MFSD6: variants seen among roughly 807,000 people sequenced by gnomAD.
MFSD6 encodes major facilitator superfamily domain containing 6.
In MFSD6, 26 loss-of-function variants were observed where a neutral mutation model predicts 56.3. The ratio of observed to expected loss-of-function variants is 0.46; its 90% CI spans 0.34 to 0.64. MFSD6 has a LOEUF of 0.64. Among genes scored for constraint, MFSD6 ranks in the 30% least tolerant of loss-of-function variants. MFSD6 has a pLI of 0.01. For synonymous variants in MFSD6, 331 were observed against 366.9 expected (o/e 0.90, Z 1.12); for missense variants, 750 against 986.2 (o/e 0.76, Z 3.21).
chr2:190,421,392 T>A (rs1293930316), intron 2 of MFSD6, among the ~76,000 whole-genome samples: 7 of 152,228 alleles, frequency 4.6e-5, no homozygotes, highest in Admixed American at 4.6e-4. Flanking sequence ...TAATGTCGTT[T>A]GTAAAGACAA....
Position 190,487,625 on chromosome 2 carries a change from G to C in MFSD6, c.1631-1032G>C, listed in dbSNP as rs899407046. ...TAAACATTTCTTCAAAGAAGATATA[G>C]ATGGCCAATAAACACCTAAAAGGTG... is the stretch of plus-strand genomic sequence containing the variant. On this transcript the variant is annotated intron_variant, in intron 4 of 7. Transcript: ENST00000392328. This position sits in a 1 kb window ranked among gnomAD's most constrained non-coding sequence, Gnocchi z 5.5. 2.6e-5 allele frequency among the ~76,000 whole-genome samples: 4 copies of C among 152,300 alleles called. No homozygotes were observed. The highest frequency in any genetic ancestry group is 4.1e-4 in the South Asian group (2 of 4,826).
At position 190,425,070 on chromosome 2, in the gene MFSD6, A is replaced by AT. The variant is rs564214563; in HGVS notation, c.-54+9663dup. ...GTTTTCAGCATAAGGCCTTGTACAC[A>AT]TTTTTTAAATTTATACCCAAGTGTT... is the stretch of plus-strand genomic sequence containing the variant. On this transcript the variant is annotated intron_variant, in intron 2 of 7. Coordinates refer to ENST00000392328, the MANE Select transcript of MFSD6 (RefSeq NM_017694.4). The surrounding 1 kb of genome is among the most constrained non-coding windows in gnomAD (Gnocchi z 4.3). Among the ~76,000 whole-genome samples the AT allele has an allele frequency of 3.5e-3, 527 of 152,252 alleles. 4 individuals are homozygous for AT. Among genetic ancestry groups the AT allele is most frequent in the African/African-American group, 0.011 (477 of 41,560 alleles).
upstream of MFSD6, among the ~76,000 whole-genome samples, chr2:190,408,150 G>A (rs1461851838): frequency 6.6e-6 from 1 of 151,708 alleles, no homozygotes; most frequent in Non-Finnish European, 1.5e-5. Flanking sequence ...TGCACCTGGC[G>A]GCCGGTCCTC....
chr2:190,452,338 A>C (rs568445592), intron 3 of MFSD6, among the ~76,000 whole-genome samples: 1 of 152,208 alleles, frequency 6.6e-6, no homozygotes, highest in Admixed American at 6.5e-5. Flanking sequence ...ATAATATTTT[A>C]AAAATAGTAA....
In MFSD6 at chr2:190,471,313, C is replaced by G. The variant is rs1687911207; in HGVS notation, c.1630+1458C>G. Among the ~76,000 whole-genome samples, 1 of 152,184 alleles carries G rather than the reference C, an allele frequency of 6.6e-6. No homozygotes were observed. Among genetic ancestry groups the G allele is most frequent in the Admixed American group, 6.5e-5 (1 of 15,278 alleles). On this transcript the variant is annotated intron_variant, in intron 4 of 7. Transcript: ENST00000392328. This position sits in a 1 kb window ranked among gnomAD's most constrained non-coding sequence, Gnocchi z 4.7. ...GAGGCATCACCTCACCCAGGAAGCA[C>G]AAGGGGTCAGGGAATTCCCTTTCCT... is the stretch of plus-strand genomic sequence containing the variant.
At position 190,416,355 on chromosome 2, in the gene MFSD6, G is replaced by A. The variant is rs746636320; in HGVS notation, c.-54+942G>A. ...GCAAGTTGAAAGGAAATGTTAGAGA[G>A]GATTTCAGGTCCTTTCTTTCAGATT... is the stretch of plus-strand genomic sequence containing the variant. On this transcript the variant is annotated intron_variant, in intron 2 of 7. Transcript: ENST00000392328. This position sits in a 1 kb window ranked among gnomAD's most constrained non-coding sequence, Gnocchi z 4.1. Among the ~76,000 whole-genome samples, 15 of 152,094 alleles carry A rather than the reference G, an allele frequency of 9.9e-5. No homozygotes were observed. The highest frequency in any genetic ancestry group is 2.1e-4 in the Non-Finnish European group (14 of 68,018).
In MFSD6 at chr2:190,451,275, G is replaced by A. The variant is rs1286347886; in HGVS notation, c.1532+13714G>A. ...GCCTCAGGTTCCTCATTGGTAAAAC[G>A]GGGCAATAATTATACCTAACTTCAT... On this transcript the variant is annotated intron_variant, in intron 3 of 7. Coordinates refer to ENST00000392328, the MANE Select transcript of MFSD6 (RefSeq NM_017694.4). The surrounding 1 kb of genome is among the most constrained non-coding windows in gnomAD (Gnocchi z 5.0). 6.6e-6 allele frequency among the ~76,000 whole-genome samples: 1 copy of A among 152,092 alleles called. No homozygotes were observed. The highest frequency in any genetic ancestry group is 1.5e-5 in the Non-Finnish European group (1 of 68,012).
Position 190,461,648 on chromosome 2 carries a change from C to T in MFSD6, c.1533-8110C>T, listed in dbSNP as rs1454115660. Among the ~76,000 whole-genome samples, 5 of 152,136 alleles carry T rather than the reference C, an allele frequency of 3.3e-5. No homozygotes were observed. Among genetic ancestry groups the T allele is most frequent in the Non-Finnish European group, 7.4e-5 (5 of 68,020 alleles). On this transcript the variant is annotated intron_variant, in intron 3 of 7. Transcript: ENST00000392328. The surrounding 1 kb of genome is among the most constrained non-coding windows in gnomAD (Gnocchi z 5.5). ...CCTTGAATGCTGTGTTCTCTCATGG[C>T]AGAAGGCAGAAGGGCAAAAGGGGGA... is the stretch of plus-strand genomic sequence containing the variant.
intron 4 of MFSD6, among the ~76,000 whole-genome samples, chr2:190,483,464 C>A (rs1688816378): frequency 6.6e-6 from 1 of 152,132 alleles, no homozygotes; most frequent in East Asian, 1.9e-4. Context: ...TAGTACTGTA[C>A]CTATTGGAGG....
In MFSD6 at chr2:190,471,262, G is replaced by A. The variant is rs191671721; in HGVS notation, c.1630+1407G>A. Reference sequence around the variant, plus strand: ...GTGGGTGCAGGATAGTGGGTGCAGCGCGGTGAGCGTGAGCTGAAGCAGGGC... The same window carrying A: ...GTGGGTGCAGGATAGTGGGTGCAGCACGGTGAGCGTGAGCTGAAGCAGGGC... On this transcript the variant is annotated intron_variant, in intron 4 of 7. Coordinates refer to ENST00000392328, the MANE Select transcript of MFSD6 (RefSeq NM_017694.4). The surrounding 1 kb of genome is among the most constrained non-coding windows in gnomAD (Gnocchi z 4.7). 5.6e-4 allele frequency among the ~76,000 whole-genome samples: 86 copies of A among 152,308 alleles called. No individual in the cohort carries two copies. The highest frequency in any genetic ancestry group is 1.8e-3 in the African/African-American group (76 of 41,570).
rs1316437770 is a variant in MFSD6 at position 190,417,538 on chromosome 2, C to T, written c.-54+2125C>T. Among the ~76,000 whole-genome samples the T allele has an allele frequency of 6.6e-6, 1 of 152,060 alleles. No individual in the cohort carries two copies. The highest frequency in any genetic ancestry group is 6.6e-5 in the Admixed American group (1 of 15,264). On this transcript the variant is annotated intron_variant, in intron 2 of 7. Coordinates refer to ENST00000392328, the MANE Select transcript of MFSD6 (RefSeq NM_017694.4). The surrounding 1 kb of genome is among the most constrained non-coding windows in gnomAD (Gnocchi z 5.7). ...TGTGTCCTACCTACTAGTGGGTGCTCGATCTATAGCTGTAGGGTTTTTTTG... is the reference window on the plus strand; with the variant it reads ...TGTGTCCTACCTACTAGTGGGTGCTTGATCTATAGCTGTAGGGTTTTTTTG...
At chr2:190,468,008 C>T (rs1341902210) in intron 3 of MFSD6, among the ~76,000 whole-genome samples, 1 of 152,176 alleles carries the variant, frequency 6.6e-6, no homozygotes, top group Non-Finnish European at 1.5e-5. Flanking sequence ...TAAAGAGAGG[C>T]CACCCACAGG....
chr2:190,445,861 A>ATT (rs138381334), intron 3 of MFSD6, among the ~76,000 whole-genome samples: 1 of 151,920 alleles, frequency 6.6e-6, no homozygotes, highest in African/African-American at 2.4e-5. Context: ...AAAGAAGGTC[A>ATT]TTTTTTTTCC....
intron 4 of MFSD6, among the ~76,000 whole-genome samples, chr2:190,481,302 A>T (rs911804756): frequency 2.6e-5 from 4 of 152,154 alleles, no homozygotes; most frequent in Non-Finnish European, 5.9e-5. Flanking sequence ...CAACTCATAT[A>T]TTTTTTTAAG....
chr2:190,432,903 TA>T (rs1686056967), intron 2 of MFSD6, among the ~76,000 whole-genome samples: 1 of 150,310 alleles, frequency 6.7e-6, no homozygotes, highest in Non-Finnish European at 1.5e-5. Flanking sequence ...TACTTGCATA[TA>T]AATCTAATAT....
In MFSD6 at chr2:190,433,483, T is replaced by C. The variant is rs1353436676; in HGVS notation, c.-53-2494T>C. On this transcript the variant is annotated intron_variant, in intron 2 of 7. Coordinates refer to ENST00000392328, the MANE Select transcript of MFSD6 (RefSeq NM_017694.4). The surrounding 1 kb of genome is among the most constrained non-coding windows in gnomAD (Gnocchi z 4.5). ...ACATTTTCTAGGAGGAAAAAAATGT[T>C]TTTCTTTCACTATTAAGAAAAACCT... 6.6e-6 allele frequency: 1 copy of C among 152,164 alleles called. No homozygotes were observed. Among genetic ancestry groups the C allele is most frequent in the Non-Finnish European group, 1.5e-5 (1 of 68,030 alleles). The allele number at this position is 152,164 out of a possible 1,614,324, so 9.4% of individuals were successfully genotyped here. A position where few individuals can be genotyped will look rare whatever the true frequency, so the allele number is the denominator to read the frequency against.
chr2:190,476,280 A>G (rs1419766715), intron 4 of MFSD6, among the ~76,000 whole-genome samples: 1 of 152,064 alleles, frequency 6.6e-6, no homozygotes, highest in African/African-American at 2.4e-5. Context: ...AACCTACAGA[A>G]TGGGAGAAAA....
rs557358211 is a variant in MFSD6 at position 190,463,323 on chromosome 2, T to A, written c.1533-6435T>A. ...ACTGACAATAGAGAACATCATCTTA[T>A]TCAGGTCAATAGTGTGAATCAGTGA... On this transcript the variant is annotated intron_variant, in intron 3 of 7. Transcript: ENST00000392328. This position sits in a 1 kb window ranked among gnomAD's most constrained non-coding sequence, Gnocchi z 4.4. 3.3e-5 allele frequency among the ~76,000 whole-genome samples: 5 copies of A among 152,326 alleles called. No individual in the cohort carries two copies. In the South Asian group the frequency reaches 1.0e-3, roughly 32 times the overall value.
rs1685983712 is a variant in MFSD6 at position 190,431,216 on chromosome 2, C to T, written c.-53-4761C>T. ...GCCGGGAAGAGGCGCTCCTCACTTC[C>T]CAGACTGGGCAGCCAGGCAGAGGGG... is the stretch of plus-strand genomic sequence containing the variant. On this transcript the variant is annotated intron_variant, in intron 2 of 7. Coordinates refer to ENST00000392328, the MANE Select transcript of MFSD6 (RefSeq NM_017694.4). The surrounding 1 kb of genome is among the most constrained non-coding windows in gnomAD (Gnocchi z 4.4). Among the ~76,000 whole-genome samples, 1 of 150,676 alleles carries T rather than the reference C, an allele frequency of 6.6e-6. No individual in the cohort carries two copies. The highest frequency in any genetic ancestry group is 1.5e-5 in the Non-Finnish European group (1 of 67,600).
Sources: gnomAD v4.1 joint callset for allele counts (sites outside exome capture counted in the v4.1 genomes callset) on GRCh38, gnomAD v4.1.1 for gene constraint, Gnocchi (gnomAD v3.1) non-coding constraint, MANE v1.5 for transcripts, NCBI Gene and HGNC (gene_info 2026-07-23, HGNC 2026-07-21) for gene names.